The following DPP10 variants were observed in gnomAD, a reference collection of about 807,000 sequenced individuals.
DPP10 encodes dipeptidyl peptidase like 10, also known as inactive dipeptidyl peptidase 10.
Under a neutral mutation model 120.9 loss-of-function variants are expected in DPP10, and 33 were observed. The observed-to-expected ratio is 0.27, with a 90% CI of 0.21 to 0.37. The LOEUF is 0.37. Ranked by LOEUF, DPP10 falls within the 10% of genes least tolerant of loss-of-function variation. DPP10 has a pLI of 1.00. For missense variants in DPP10, 816 were observed against 942.8 expected (o/e 0.87, Z 1.76); for synonymous variants, 337 against 326.1 (o/e 1.03, Z -0.36).
intron 1 of DPP10, among the ~76,000 whole-genome samples, chr2:114,696,009 C>A (rs186442510): frequency 2.0e-4 from 30 of 152,064 alleles, no homozygotes; most frequent in African/African-American, 6.7e-4. Flanking sequence ...TATACATGAA[C>A]TTTATCAGTT....
chr2:114,854,114 A>G (rs935040152), intron 1 of DPP10, among the ~76,000 whole-genome samples: 7 of 152,204 alleles, frequency 4.6e-5, no homozygotes, highest in African/African-American at 1.7e-4. Flanking sequence ...TAAGACCCAG[A>G]GAGGTTAAGT....
chr2:115,123,716 T>A (rs950087777), intron 1 of DPP10, among the ~76,000 whole-genome samples: 7 of 152,130 alleles, frequency 4.6e-5, no homozygotes, highest in Non-Finnish European at 8.8e-5. Flanking sequence ...GACCATCACC[T>A]GATGGTTGCC....
At chr2:115,802,395 T>G (rs1039244440) in intron 19 of DPP10, among the ~76,000 whole-genome samples, 3 of 152,178 alleles carry the variant, frequency 2.0e-5, no homozygotes. Flanking sequence ...CTGGATTCAT[T>G]AATTTTTTGA....
chr2:115,463,529 A>G (rs867010273), intron 3 of DPP10, among the ~76,000 whole-genome samples: 18 of 152,208 alleles, frequency 1.2e-4, no homozygotes, highest in Admixed American at 1.3e-4. Flanking sequence ...ACATAAACAC[A>G]TATCTGTCCA....
chr2:114,895,797 TACTA>T (rs1350397405), intron 1 of DPP10, among the ~76,000 whole-genome samples: 1 of 152,216 alleles, frequency 6.6e-6, no homozygotes, highest in Non-Finnish European at 1.5e-5. Flanking sequence ...TTCTCACGTT[TACTA>T]ACTATGTAAC....
At chr2:114,774,951 G>GAGATAATAATAAGACCCAATTC (rs1480955453) in intron 1 of DPP10, among the ~76,000 whole-genome samples, 2 of 151,916 alleles carry the variant, frequency 1.3e-5, no homozygotes, top group Admixed American at 6.6e-5. Context: ...CTTAGTGGTA[G>GAGATAATAATAAGACCCAATTC]TTATTATTAT....
intron 5 of DPP10, among the ~76,000 whole-genome samples, chr2:115,597,585 A>G (rs1297680740): frequency 1.3e-5 from 2 of 150,080 alleles, no homozygotes; most frequent in Non-Finnish European, 3.0e-5. Context: ...TTTTATATGC[A>G]TTATATATAT....
chr2:115,833,563 T>C lies in DPP10; in HGVS notation c.1951-2594T>C, dbSNP rs868202786. On this transcript the variant is annotated intron_variant, in intron 21 of 25. Transcript: ENST00000410059. Reference sequence around the variant, plus strand: ...TAATCTGAAAATCCGAAATTTGAAATGCTCCAAATCCAAAATGTTTTGAGC... The same window carrying C: ...TAATCTGAAAATCCGAAATTTGAAACGCTCCAAATCCAAAATGTTTTGAGC... Among the ~76,000 whole-genome samples, 34 of 152,308 alleles carry C rather than the reference T, an allele frequency of 2.2e-4. 1 individual carries two copies. In the Middle Eastern group the frequency reaches 0.017, roughly 76 times the overall value.
intron 1 of DPP10, among the ~76,000 whole-genome samples, chr2:115,244,764 CTG>C (rs908530948): frequency 1.7e-4 from 26 of 150,486 alleles, no homozygotes; most frequent in African/African-American, 5.4e-4. Flanking sequence ...AAGAGTACCT[CTG>C]TGTTTACCAT....
At chr2:114,797,767 C>G (rs1028600439) in intron 1 of DPP10, among the ~76,000 whole-genome samples, 2 of 152,172 alleles carry the variant, frequency 1.3e-5, no homozygotes, top group African/African-American at 4.8e-5. Flanking sequence ...GATTCTGTCC[C>G]CTCCAGTACC....
intron 1 of DPP10, among the ~76,000 whole-genome samples, chr2:114,565,588 A>C (rs899711286): frequency 1.3e-5 from 2 of 152,230 alleles, no homozygotes; most frequent in Admixed American, 6.5e-5. Context: ...CTTCCCTTGG[A>C]GGAGTGAAAA....
intron 21 of DPP10, among the ~76,000 whole-genome samples, chr2:115,826,664 T>C (rs530985472): frequency 1.3e-4 from 20 of 152,306 alleles, no homozygotes; most frequent in African/African-American, 4.8e-4. Flanking sequence ...GAGGTTACAG[T>C]GAACAAAGAT....
At chr2:115,535,194 A>T (rs1317072471) in intron 5 of DPP10, among the ~76,000 whole-genome samples, 1 of 151,926 alleles carries the variant, frequency 6.6e-6, no homozygotes, top group Non-Finnish European at 1.5e-5. Context: ...GCCCATGCCT[A>T]TGTCCTGAAT....
intron 24 of DPP10, among the ~76,000 whole-genome samples, chr2:115,836,991 A>G (rs978040825): frequency 7.9e-5 from 12 of 152,222 alleles, no homozygotes; most frequent in African/African-American, 2.9e-4. Context: ...TACTTTATCA[A>G]TGTTGCTGAA....
chr2:115,625,093 TA>T lies in DPP10; in HGVS notation c.442-64584del, dbSNP rs11377783. Among the ~76,000 whole-genome samples the T allele has an allele frequency of 7.6e-3, 1,138 of 149,814 alleles. 35 individuals are homozygous for T. Among genetic ancestry groups the T allele is most frequent in the East Asian group, 0.066 (336 of 5,114 alleles). On this transcript the variant is annotated intron_variant, in intron 5 of 25. Coordinates refer to ENST00000410059, the MANE Select transcript of DPP10 (RefSeq NM_020868.6). ...GGATAAATATATAAATGCTATTTAA[TA>T]AAAAAAAAATGTGTCTGACCTAAAG...
At chr2:115,687,144 A>C (rs1283461618) in intron 5 of DPP10, among the ~76,000 whole-genome samples, 1 of 152,060 alleles carries the variant, frequency 6.6e-6, no homozygotes, top group East Asian at 1.9e-4. Flanking sequence ...CTTAATACAG[A>C]TGTTCAGTAA....
chr2:115,539,323 G>C (rs1025669192), intron 5 of DPP10, among the ~76,000 whole-genome samples: 23 of 151,902 alleles, frequency 1.5e-4, no homozygotes, highest in African/African-American at 5.6e-4. Flanking sequence ...CATAAAACTA[G>C]GGCCCTTGAT....
intron 1 of DPP10, among the ~76,000 whole-genome samples, chr2:115,109,291 A>T (rs908413442): frequency 3.3e-5 from 5 of 152,140 alleles, no homozygotes; most frequent in Non-Finnish European, 5.9e-5. Flanking sequence ...TAATCCCAGC[A>T]GTTTGGGAGG....
intron 4 of DPP10, among the ~76,000 whole-genome samples, chr2:115,500,548 A>G (rs918835456): frequency 6.6e-6 from 1 of 152,032 alleles, no homozygotes; most frequent in Non-Finnish European, 1.5e-5. Flanking sequence ...GTATTTTTAC[A>G]TATTAAGGAG....
Sources: gnomAD v4.1 joint callset for allele counts (sites outside exome capture counted in the v4.1 genomes callset) on GRCh38, gnomAD v4.1.1 for gene constraint, MANE v1.5 for transcripts, NCBI Gene and HGNC (gene_info 2026-07-23, HGNC 2026-07-21) for gene names.